The following FGGY variants were observed in gnomAD, a reference collection of about 807,000 sequenced individuals.
FGGY encodes FGGY carbohydrate kinase domain containing.
In FGGY, 72 loss-of-function variants were observed where a neutral mutation model predicts 71.3. The observed-to-expected ratio is 1.01, with a 90% CI of 0.84 to 1.23. The LOEUF (loss-of-function observed/expected upper bound fraction) is 1.23, where lower values mean the gene tolerates loss of function less well. Ranked by LOEUF, FGGY falls within the 50% of genes most tolerant of loss-of-function variation. The pLI, the probability that FGGY is intolerant of heterozygous loss-of-function variation, is 0.00. For missense variants in FGGY, 668 were observed against 682.3 expected (o/e 0.98, Z 0.23); for synonymous variants, 251 against 250.3 (o/e 1.00, Z -0.02).
At position 59,658,936 on chromosome 1, in the gene FGGY, T is replaced by G. The variant is rs576375662; in HGVS notation, c.1222-1283T>G. On this transcript the variant is annotated intron_variant, in intron 11 of 15. Transcript: ENST00000303721. ...GACAGGGGAGGTCAAGAAAGATGGC[T>G]TCTGGCCAGGCGCAGTGGTTCACAA... 2.0e-5 allele frequency among the ~76,000 whole-genome samples: 3 copies of G among 152,312 alleles called. No individual in the cohort carries two copies. In the South Asian group the frequency reaches 6.2e-4, roughly 32 times the overall value.
chr1:59,565,154 G>A (rs2095854658), intron 8 of FGGY, among the ~76,000 whole-genome samples: 1 of 152,034 alleles, frequency 6.6e-6, no homozygotes, highest in African/African-American at 2.4e-5. Context: ...TGTTTATCAT[G>A]GTCTATTTGG....
intron 6 of FGGY, among the ~76,000 whole-genome samples, chr1:59,490,984 TTG>T (rs2093813555): frequency 1.4e-5 from 2 of 138,488 alleles, no homozygotes; most frequent in East Asian, 2.1e-4. Flanking sequence ...GCCTGCTTGC[TTG>T]CTTGCTTGCT....
At chr1:59,341,947 T>C (rs753451553) in intron 3 of FGGY, among the ~76,000 whole-genome samples, 10 of 152,096 alleles carry the variant, frequency 6.6e-5, no homozygotes, top group Non-Finnish European at 1.5e-4. Context: ...GTTAAAAGCC[T>C]GGAGAGCAAT....
chr1:59,351,187 A>G (rs1165064898), intron 4 of FGGY, among the ~76,000 whole-genome samples: 1 of 152,224 alleles, frequency 6.6e-6, no homozygotes, highest in Non-Finnish European at 1.5e-5. Flanking sequence ...TTCACACTAC[A>G]GTGACAGCTG....
At chr1:59,596,476 G>A (rs76487125) in intron 8 of FGGY, among the ~76,000 whole-genome samples, 6 of 146,238 alleles carry the variant, frequency 4.1e-5, no homozygotes, top group African/African-American at 1.5e-4. Flanking sequence ...AAAAAAAAAA[G>A]TGACTTAGGA....
chr1:59,471,243 G>A lies in FGGY; in HGVS notation c.670+14167G>A, dbSNP rs370201708. Among the ~76,000 whole-genome samples the A allele has an allele frequency of 2.2e-4, 34 of 152,262 alleles. No individual in the cohort carries two copies. In the South Asian group the frequency reaches 6.6e-3, roughly 30 times the overall value. On this transcript the variant is annotated intron_variant, in intron 6 of 15. Transcript: ENST00000303721. ...TTGATAAATGTTTGGCATTTTCCCTGCTTGTTCTTGCTCTCTCCTGCCTTC... is the reference window on the plus strand; with the variant it reads ...TTGATAAATGTTTGGCATTTTCCCTACTTGTTCTTGCTCTCTCCTGCCTTC...
intron 14 of FGGY, among the ~76,000 whole-genome samples, chr1:59,737,165 G>A (rs1207707143): frequency 1.3e-5 from 2 of 152,258 alleles, no homozygotes; most frequent in African/African-American, 4.8e-5. Context: ...AGATTTCAGA[G>A]GATGTATGGA....
intron 14 of FGGY, among the ~76,000 whole-genome samples, chr1:59,716,345 A>G (rs1347621058): frequency 1.3e-5 from 2 of 152,186 alleles, no homozygotes; most frequent in Admixed American, 1.3e-4. Flanking sequence ...TTCTTCTGCA[A>G]GATAATTCAG....
chr1:59,419,815 A>G (rs2065096277), intron 5 of FGGY, among the ~76,000 whole-genome samples: 1 of 149,946 alleles, frequency 6.7e-6, no homozygotes, highest in South Asian at 2.2e-4. Flanking sequence ...CACACATGCA[A>G]ATTATGTGTC....
At chr1:59,514,649 A>G (rs2094597517) in intron 7 of FGGY, among the ~76,000 whole-genome samples, 2 of 152,162 alleles carry the variant, frequency 1.3e-5, no homozygotes. Context: ...TAATTGAATC[A>G]TGGAGGCCGG....
chr1:59,326,097 G>C (rs2047385255), intron 2 of FGGY, among the ~76,000 whole-genome samples: 1 of 152,228 alleles, frequency 6.6e-6, no homozygotes. Context: ...AGAAGGAGAA[G>C]ATAAGCTGGA....
chr1:59,709,107 A>G (rs2097775722), intron 14 of FGGY, among the ~76,000 whole-genome samples: 1 of 152,106 alleles, frequency 6.6e-6, no homozygotes, highest in Non-Finnish European at 1.5e-5. Context: ...CTCACTCTGT[A>G]TTAGTCCATT....
rs183903519 is a variant in FGGY at position 59,350,885 on chromosome 1, C to T, written c.465+4487C>T. 1.1e-4 allele frequency among the ~76,000 whole-genome samples: 17 copies of T among 152,284 alleles called. No homozygotes were observed. In the East Asian group the frequency reaches 3.3e-3, roughly 29 times the overall value. On this transcript the variant is annotated intron_variant, in intron 4 of 15. Coordinates refer to ENST00000303721, the MANE Select transcript of FGGY (RefSeq NM_018291.5). ...TCTCGTCACTGTTTGTCTTTTACAT[C>T]CTAGCTCACTATATCCCATCTACAG...
At chr1:59,347,245 C>G (rs553439918) in intron 4 of FGGY, among the ~76,000 whole-genome samples, 2 of 116,820 alleles carry the variant, frequency 1.7e-5, no homozygotes, top group Admixed American at 1.9e-4. Flanking sequence ...ATCCCTCCCC[C>G]CTCCCCCCAC....
chr1:59,450,392 G>A (rs1039396312), intron 5 of FGGY, among the ~76,000 whole-genome samples: 2 of 145,862 alleles, frequency 1.4e-5, no homozygotes, highest in East Asian at 1.9e-4. Context: ...TATGTCTGTT[G>A]TATTTACTCA....
intron 1 of FGGY, among the ~76,000 whole-genome samples, chr1:59,312,696 G>A (rs1570138265): frequency 6.6e-6 from 1 of 152,142 alleles, no homozygotes; most frequent in Non-Finnish European, 1.5e-5. Context: ...GACCTGTTCT[G>A]TGCATTTGGC....
chr1:59,431,311 A>G (rs1572068307), intron 5 of FGGY, among the ~76,000 whole-genome samples: 2 of 152,212 alleles, frequency 1.3e-5, no homozygotes, highest in African/African-American at 4.8e-5. Flanking sequence ...ATAAGGTCCA[A>G]TGTGATCCAG....
At chr1:59,439,736 A>G (rs1479777455) in intron 5 of FGGY, among the ~76,000 whole-genome samples, 2 of 152,116 alleles carry the variant, frequency 1.3e-5, no homozygotes, top group Non-Finnish European at 2.9e-5. Flanking sequence ...TGGTTATTCC[A>G]TTATTCCATA....
chr1:59,585,977 C>T (rs1233286442), intron 8 of FGGY, among the ~76,000 whole-genome samples: 2 of 152,188 alleles, frequency 1.3e-5, no homozygotes, highest in African/African-American at 4.8e-5. Flanking sequence ...CCATCTCACA[C>T]CAGTTAGAAT....
Sources: allele counts gnomAD v4.1 joint callset (sites outside exome capture counted in the v4.1 genomes callset), GRCh38; gene constraint gnomAD v4.1.1; transcripts MANE v1.5; gene names NCBI Gene and HGNC (gene_info 2026-07-23, HGNC 2026-07-21).